NAA20: variants seen among roughly 807,000 people sequenced by gnomAD.
The protein encoded by NAA20 is N-alpha-acetyltransferase 20, NatB catalytic subunit, also known as N-alpha-acetyltransferase 20.
A neutral mutation model predicts 23.8 loss-of-function variants in NAA20; 24 were observed. The ratio of observed to expected loss-of-function variants is 1.01; its 90% confidence interval spans 0.73 to 1.42. The LOEUF is 1.42. Among genes scored for constraint, NAA20 ranks in the 40% most tolerant of loss-of-function variants. The pLI, the probability that NAA20 is intolerant of heterozygous loss-of-function variation, is 0.00. For missense variants in NAA20, 166 were observed against 223.1 expected (o/e 0.74, Z 1.63); for synonymous variants, 83 against 77.7 (o/e 1.07, Z -0.36).
At chr20:20,018,463 G>A (rs2043246400) in intron 1 of NAA20, 1 of 189,378 alleles carries the variant, frequency 5.3e-6, no homozygotes, top group South Asian at 1.1e-4. Flanking sequence ...TATGGGATAA[G>A]ATGGCTGGGA....
At chr20:20,032,385 A>G (rs2146470296) in intron 4 of NAA20, 123 bp from the exon 5 acceptor site, 6 of 853,208 alleles carry the variant, frequency 7.0e-6, no homozygotes, top group South Asian at 4.2e-5. Flanking sequence ...ACAAGGTCCT[A>G]TTACTACCAT....
At chr20:20,019,226 C>G (rs1391095193) in intron 1 of NAA20, among the ~76,000 whole-genome samples, 1 of 152,166 alleles carries the variant, frequency 6.6e-6, no homozygotes, top group Non-Finnish European at 1.5e-5. Context: ...ACTGTAGAAT[C>G]CAGGTGATGG....
At chr20:20,027,486 C>T (rs2043313911) in intron 4 of NAA20, among the ~76,000 whole-genome samples, 1 of 151,900 alleles carries the variant, frequency 6.6e-6, no homozygotes, top group Non-Finnish European at 1.5e-5. Flanking sequence ...CACTTGCATT[C>T]CTGTTTCATA....
chr20:20,017,901 G>A, intron 1 of NAA20: 2 of 1,602,324 alleles, frequency 1.2e-6, no homozygotes, highest in African/African-American at 1.3e-5. Flanking sequence ...CCGCAGAGGG[G>A]GCTTGCGAGG....
chr20:20,025,833 G>A, intron 3 of NAA20, 66 bp downstream of exon 3: 2 of 1,006,136 alleles, frequency 2.0e-6, no homozygotes, highest in East Asian at 2.4e-5. Context: ...TCAACTGATT[G>A]CTTTAGACTG....
intron 1 of NAA20, chr20:20,017,891 C>T (rs2043242497): frequency 6.3e-7 from 1 of 1,593,860 alleles, no homozygotes; most frequent in Non-Finnish European, 8.5e-7. Flanking sequence ...GACGGCCAGG[C>T]CGCAGAGGGG....
chr20:20,018,209 T>A, intron 1 of NAA20: 1 of 476,496 alleles, frequency 2.1e-6, no homozygotes, highest in Non-Finnish European at 3.0e-6. Context: ...AGGTACCAAT[T>A]TTTTTTTTTT....
intron 4 of NAA20, among the ~76,000 whole-genome samples, chr20:20,032,152 A>G (rs970881637): frequency 2.6e-5 from 4 of 151,918 alleles, no homozygotes; most frequent in African/African-American, 9.7e-5. Context: ...GACTGAGAGA[A>G]GCAAAAGACA....
intron 2 of NAA20, among the ~76,000 whole-genome samples, chr20:20,025,434 T>C (rs1490252937): frequency 1.3e-5 from 2 of 152,184 alleles, no homozygotes; most frequent in Non-Finnish European, 2.9e-5. Context: ...GGGTCCTGAT[T>C]CTCTGCTTTC....
At chr20:20,021,262 T>C (rs1300047410) in intron 1 of NAA20, among the ~76,000 whole-genome samples, 1 of 152,118 alleles carries the variant, frequency 6.6e-6, no homozygotes, top group Non-Finnish European at 1.5e-5. Flanking sequence ...CCCAAGATTG[T>C]TTCAGGTGTT....
In NAA20 at chr20:20,033,464, A is replaced by G; in HGVS notation, c.*277A>G. 3.4e-6 allele frequency: 1 copy of G among 296,154 alleles called. No individual in the cohort carries two copies. Among genetic ancestry groups the G allele is most frequent in the Admixed American group, 4.5e-5 (1 of 22,042 alleles). 18.3% of individuals were successfully genotyped at this position (296,154 alleles called of 1,614,324 possible). On this transcript the variant is annotated 3_prime_UTR_variant, in exon 6 of 6. Coordinates refer to ENST00000334982, the MANE Select transcript of NAA20 (RefSeq NM_016100.5). The stretch of plus-strand genomic sequence containing the variant: ...ATGGTTCATAGTATTCACTGTATGT[A>G]TGCTAGGGAAAAGACTTGCTCCAGT...
chr20:20,024,192 G>C (rs956920335), intron 2 of NAA20, among the ~76,000 whole-genome samples: 3 of 152,162 alleles, frequency 2.0e-5, no homozygotes, highest in East Asian at 3.9e-4. Context: ...TTTATTGCAG[G>C]AGAGTTACTA....
intron 1 of NAA20, 42 bp downstream of exon 1, chr20:20,017,491 C>G: frequency 6.4e-7 from 1 of 1,556,680 alleles, no homozygotes; most frequent in Non-Finnish European, 8.7e-7. Context: ...TTGGCCGGGC[C>G]TCGCTTCCCG....
At chr20:20,032,682 A>G in intron 5 of NAA20, 29 bp downstream of exon 5, 6 of 1,547,090 alleles carry the variant, frequency 3.9e-6, no homozygotes, top group Non-Finnish European at 5.2e-6. Flanking sequence ...CAGTATCCCC[A>G]AGAAGTCGAA....
Position 20,025,704 on chromosome 20 carries a change from C to T in NAA20, c.106C>T (p.Leu36Phe), listed in dbSNP as rs1202817937. Reference sequence around the variant, plus strand: ...TGGGATTCCTTTCTACCTACAATACCTCGCCCACTGGCCAGAGTATTTCAT... The same window carrying T: ...TGGGATTCCTTTCTACCTACAATACTTCGCCCACTGGCCAGAGTATTTCAT... Reference protein sequence around the residue: ...TYGIPFYLQYLAHWPEYFIVA... With the variant: ...TYGIPFYLQYFAHWPEYFIVA... Residue 36 changes from leucine to phenylalanine, a missense_variant, in exon 3 of 6, where the codon CTC (leucine) becomes TTC (phenylalanine). Transcript: ENST00000334982. The T allele has an allele frequency of 1.2e-6, 2 of 1,612,308 alleles. No individual in the cohort carries two copies. Among genetic ancestry groups the T allele is most frequent in the Admixed American group, 1.7e-5 (1 of 60,022 alleles).
chr20:20,022,662 T>C, intron 2 of NAA20, 182 bp downstream of exon 2: 1 of 532,386 alleles, frequency 1.9e-6, no homozygotes, highest in Non-Finnish European at 3.2e-6. Flanking sequence ...GTCTTAGATC[T>C]GCTGACAAAC....
chr20:20,019,819 C>T (rs2043255849), intron 1 of NAA20, among the ~76,000 whole-genome samples: 1 of 152,202 alleles, frequency 6.6e-6, no homozygotes, highest in African/African-American at 2.4e-5. Context: ...CTCCCAGGCT[C>T]AAGTGATTCT....
Position 20,032,607 on chromosome 20 carries a change from A to G in NAA20, c.405A>G (p.Ile135Met). 7 of 1,612,140 alleles carry G rather than the reference A, an allele frequency of 4.3e-6. No homozygotes were observed. Among genetic ancestry groups the G allele is most frequent in the Non-Finnish European group, 5.9e-6 (7 of 1,179,080 alleles). ...GCTACAGTGTATATAGGACGGTCAT[A>G]GAGTACTATTCGGCCAGCAACGGGG... ...QLGYSVYRTV[I>M]EYYSASNGEP... The change falls in exon 5 of 6, where the codon ATA becomes ATG. Residue 135 changes from isoleucine (I) to methionine (M), a missense_variant. Ile to Met is a conservative substitution (Grantham distance 10, BLOSUM62 1). Transcript: ENST00000334982.
intron 1 of NAA20, among the ~76,000 whole-genome samples, chr20:20,021,045 G>GTT (rs1460879530): frequency 1.4e-5 from 2 of 139,386 alleles, no homozygotes; most frequent in Non-Finnish European, 3.2e-5. Context: ...GGGCGGGGGG[G>GTT]GGGGGGGACT....
Sources: gnomAD v4.1 joint callset for allele counts (sites outside exome capture counted in the v4.1 genomes callset) on GRCh38, gnomAD v4.1.1 for gene constraint, MANE v1.5 for transcripts, NCBI Gene and HGNC (gene_info 2026-07-23, HGNC 2026-07-21) for gene names.